Variants in TMEM132B observed in about 807,000 individuals in gnomAD.
TMEM132B encodes transmembrane protein 132B.
A neutral mutation model predicts 90.8 loss-of-function variants in TMEM132B; 18 were observed. The observed-to-expected ratio is 0.20, with a 90% CI of 0.14 to 0.29. The LOEUF is 0.29. TMEM132B is among the 10% of genes least tolerant of loss of function. The probability of loss-of-function intolerance (pLI) is 1.00; values close to 1 mark genes in which losing one functional copy is unlikely to be tolerated. For synonymous variants in TMEM132B, 504 were observed against 523.3 expected (o/e 0.96, Z 0.50); for missense variants, 1,096 against 1,326.8 (o/e 0.83, Z 2.70).
intron 3 of TMEM132B, among the ~76,000 whole-genome samples, chr12:125,472,752 A>G (rs1409642314): frequency 6.6e-6 from 1 of 152,124 alleles, no homozygotes; most frequent in Non-Finnish European, 1.5e-5. Flanking sequence ...AGAAGGCACC[A>G]CCTGTGAGGA....
chr12:125,286,147 CTTTG>C (rs1443931123), intron 1 of TMEM132B, among the ~76,000 whole-genome samples: 1 of 152,236 alleles, frequency 6.6e-6, no homozygotes, highest in African/African-American at 2.4e-5. Flanking sequence ...ATTATTTTAT[CTTTG>C]TTTGGCGGAT....
chr12:125,538,560 A>T (rs935396437), intron 4 of TMEM132B, among the ~76,000 whole-genome samples: 6 of 152,202 alleles, frequency 3.9e-5, no homozygotes, highest in African/African-American at 1.4e-4. Context: ...GAAACTTTCT[A>T]TTCCTCATCC....
chr12:125,322,055 T>A (rs887998032), intron 1 of TMEM132B, among the ~76,000 whole-genome samples: 1 of 152,192 alleles, frequency 6.6e-6, no homozygotes, highest in African/African-American at 2.4e-5. Context: ...ACAAAGGTCT[T>A]CATACTGTGT....
chr12:125,649,912 G>A (rs940700123), intron 6 of TMEM132B, among the ~76,000 whole-genome samples: 1 of 152,184 alleles, frequency 6.6e-6, no homozygotes, highest in African/African-American at 2.4e-5. Flanking sequence ...GGAAGGAAGG[G>A]AGAAGCCAGG....
intron 5 of TMEM132B, among the ~76,000 whole-genome samples, chr12:125,629,533 T>C (rs1033542490): frequency 2.0e-5 from 3 of 152,148 alleles, no homozygotes. Context: ...TCTAATAGTT[T>C]TTTGGTGGAG....
At chr12:125,515,124 A>G (rs1179895200) in intron 3 of TMEM132B, among the ~76,000 whole-genome samples, 3 of 152,142 alleles carry the variant, frequency 2.0e-5, no homozygotes, top group Admixed American at 2.0e-4. Flanking sequence ...TCCTCCTAAC[A>G]CACGCAGACA....
At chr12:125,581,623 A>G (rs772529169) in intron 4 of TMEM132B, among the ~76,000 whole-genome samples, 2 of 152,194 alleles carry the variant, frequency 1.3e-5, no homozygotes, top group African/African-American at 2.4e-5. Context: ...AGAGAAAAAA[A>G]ATGAAACATT....
At chr12:125,260,682 C>A (rs1430357989) in intron 1 of TMEM132B, among the ~76,000 whole-genome samples, 10 of 152,104 alleles carry the variant, frequency 6.6e-5, no homozygotes, top group Admixed American at 6.6e-4. Context: ...AACTTAATGC[C>A]AAGTTTAGCC....
chr12:125,546,089 C>T (rs1322326762), intron 4 of TMEM132B, among the ~76,000 whole-genome samples: 1 of 152,050 alleles, frequency 6.6e-6, no homozygotes, highest in African/African-American at 2.4e-5. Context: ...ACAGAACATA[C>T]CCATCACCTC....
chr12:125,286,232 A>G (rs995473827), intron 1 of TMEM132B, among the ~76,000 whole-genome samples: 5 of 152,248 alleles, frequency 3.3e-5, no homozygotes, highest in African/African-American at 1.2e-4. Flanking sequence ...GAGAACCAGC[A>G]CATAATCCCA....
intron 1 of TMEM132B, among the ~76,000 whole-genome samples, chr12:125,340,413 T>C (rs761187897): frequency 1.1e-4 from 16 of 151,992 alleles, no homozygotes; most frequent in Non-Finnish European, 2.1e-4. Flanking sequence ...AAGAATTAAG[T>C]GTAAAAATGA....
intron 1 of TMEM132B, among the ~76,000 whole-genome samples, chr12:125,231,162 G>A (rs1417274575): frequency 1.3e-5 from 2 of 151,950 alleles, no homozygotes; most frequent in Non-Finnish European, 2.9e-5. Context: ...CTTGGTTGCA[G>A]TTGCCTCGCT....
intron 5 of TMEM132B, among the ~76,000 whole-genome samples, chr12:125,626,337 T>G (rs1254128102): frequency 6.6e-6 from 1 of 152,196 alleles, no homozygotes; most frequent in Non-Finnish European, 1.5e-5. Flanking sequence ...GAACAGTGCT[T>G]CAACAAACAT....
intron 3 of TMEM132B, among the ~76,000 whole-genome samples, chr12:125,508,607 T>C (rs112713953): frequency 0.014 from 2,076 of 152,258 alleles, 17 homozygotes; most frequent in Middle Eastern, 0.034. Flanking sequence ...CAGATGCTTC[T>C]ACTTGATGGA....
chr12:125,378,273 A>G (rs1453768580), intron 2 of TMEM132B, among the ~76,000 whole-genome samples: 3 of 152,172 alleles, frequency 2.0e-5, no homozygotes, highest in Non-Finnish European at 2.9e-5. Flanking sequence ...AAGCATGAAC[A>G]ATAAATCCAG....
chr12:125,563,988 T>A (rs1371155824), intron 4 of TMEM132B, among the ~76,000 whole-genome samples: 1 of 152,132 alleles, frequency 6.6e-6, no homozygotes, highest in African/African-American at 2.4e-5. Flanking sequence ...AGAGAATAAA[T>A]TTCCATTGTT....
chr12:125,268,573 T>C (rs1874749095), intron 1 of TMEM132B, among the ~76,000 whole-genome samples: 1 of 152,238 alleles, frequency 6.6e-6, no homozygotes, highest in African/African-American at 2.4e-5. Context: ...GAACAGTGCA[T>C]ATAGTATGTG....
intron 3 of TMEM132B, among the ~76,000 whole-genome samples, chr12:125,450,946 C>A (rs1333981880): frequency 2.0e-5 from 3 of 151,924 alleles, no homozygotes; most frequent in African/African-American, 7.3e-5. Flanking sequence ...TAGACAAACC[C>A]CAAATCAGGA....
chr12:125,531,529 T>G (rs1164951748), intron 4 of TMEM132B, among the ~76,000 whole-genome samples: 1 of 152,196 alleles, frequency 6.6e-6, no homozygotes, highest in Non-Finnish European at 1.5e-5. Flanking sequence ...ATAGCCTACC[T>G]GGAAGGTCTG....
Sources: gnomAD v4.1 joint callset for allele counts (sites outside exome capture counted in the v4.1 genomes callset) on GRCh38, gnomAD v4.1.1 for gene constraint, MANE v1.5 for transcripts, NCBI Gene and HGNC (gene_info 2026-07-23, HGNC 2026-07-21) for gene names.